STK11IP: variants seen among roughly 807,000 people sequenced by gnomAD.
The protein encoded by STK11IP is serine/threonine-protein kinase 11-interacting protein.
Under a neutral mutation model 131.7 loss-of-function variants are expected in STK11IP, and 103 were observed. The observed-to-expected ratio is 0.78, with a 90% CI of 0.67 to 0.92. The LOEUF is 0.92. Ranked by LOEUF, STK11IP falls within the 40% of genes least tolerant of loss-of-function variation. The pLI, the probability that STK11IP is intolerant of heterozygous loss-of-function variation, is 0.00. For synonymous variants in STK11IP, 557 were observed against 575.6 expected, an observed-to-expected ratio of 0.97 and a Z score of 0.46; for missense variants, 1,315 against 1,385.7, an observed-to-expected ratio of 0.95 and a Z score of 0.81.
In STK11IP at chr2:219,601,342, A is replaced by T; in HGVS notation, c.169A>T (p.Thr57Ser). Reference sequence around the variant, plus strand: ...CCTGGGGCCATGGGGCCCTGGCCAGACAGGCTTTGTGGCTCTGCCCTCCCA... The same window carrying T: ...CCTGGGGCCATGGGGCCCTGGCCAGTCAGGCTTTGTGGCTCTGCCCTCCCA... The part of the protein sequence containing the change: ...LHLGPWGPGQ[T>S]GFVALPSHPA... The change falls in exon 3 of 25, where the codon ACA (threonine) becomes TCA (serine). Residue 57 changes from threonine to serine, a missense_variant. By Grantham distance (58) the Thr-to-Ser change is moderately conservative. Coordinates refer to ENST00000456909, the MANE Select transcript of STK11IP (RefSeq NM_052902.4). The T allele has an allele frequency of 6.2e-7, 1 of 1,614,076 alleles. No homozygotes were observed. Among genetic ancestry groups the T allele is most frequent in the Middle Eastern group, 1.6e-4 (1 of 6,062 alleles).
At chr2:219,611,463 C>T (rs1698392313) in intron 17 of STK11IP, 141 bp from the exon 18 acceptor site, 2 of 688,600 alleles carry the variant, frequency 2.9e-6, no homozygotes, top group African/African-American at 1.8e-5. Context: ...GAGCTGGTGG[C>T]CTGGGGCGCG....
chr2:219,605,379 A>G (rs1369408117), intron 7 of STK11IP: 1 of 444,408 alleles, frequency 2.3e-6, no homozygotes, highest in Non-Finnish European at 4.0e-6. Context: ...GCAGGAATTT[A>G]AGGGGCTTGG....
At chr2:219,599,426 T>C (rs563807502) in intron 2 of STK11IP, among the ~76,000 whole-genome samples, 16 of 152,214 alleles carry the variant, frequency 1.1e-4, no homozygotes, top group African/African-American at 3.9e-4. Context: ...TTGATAACTT[T>C]GCAAATGTCT....
chr2:219,605,859 G>T, intron 8 of STK11IP, 97 bp from the exon 9 acceptor site: 7 of 1,484,988 alleles, frequency 4.7e-6, no homozygotes, highest in Non-Finnish European at 6.4e-6. Context: ...GGGTGCTCTG[G>T]CCGGTCTTTC....
rs773141282 is a variant in STK11IP, at chr2:219,613,833, C to T, written c.2619C>T (p.Gly873=). The stretch of plus-strand genomic sequence containing the variant: ...GTGGCATAGAGCTGGGCCTGGCAGG[C>T]CAGAGCCTGCGGCTAGAGTGGGCAG... ...DLSGIELGLA[G]QSLRLEWAAG... The change falls in exon 21 of 25, where the codon GGC becomes GGT. Residue 873 remains glycine, a synonymous_variant. Coordinates refer to ENST00000456909, the MANE Select transcript of STK11IP (RefSeq NM_052902.4). 1.2e-6 allele frequency: 2 copies of T among 1,612,240 alleles called. No homozygotes were observed. Among genetic ancestry groups the T allele is most frequent in the Non-Finnish European group, 8.5e-7 (1 of 1,179,628 alleles).
At chr2:219,606,379 G>T (rs1559180064) in intron 10 of STK11IP, 89 bp downstream of exon 10, 6 of 1,545,064 alleles carry the variant, frequency 3.9e-6, no homozygotes, top group Non-Finnish European at 8.8e-7. Flanking sequence ...TGGGTGAGGG[G>T]CCAAGGACCT....
chr2:219,615,464 C>T, intron 24 of STK11IP, 123 bp downstream of exon 24: 2 of 1,313,492 alleles, frequency 1.5e-6, no homozygotes, highest in African/African-American at 2.9e-5. Context: ...ATGGCACTTA[C>T]AGATGAGAGA....
At chr2:219,616,006 C>A (rs1461437659) in intron 24 of STK11IP, 38 bp from the exon 25 acceptor site, 1 of 1,606,046 alleles carries the variant, frequency 6.2e-7, no homozygotes, top group East Asian at 2.2e-5. Flanking sequence ...TGGTGTGGTC[C>A]CCATGAGCCT....
At position 219,616,419 on chromosome 2, in the gene STK11IP, C is replaced by G; in HGVS notation, c.*226C>G. 1.8e-6 allele frequency: 1 copy of G among 540,950 alleles called. No individual in the cohort carries two copies. The highest frequency in any genetic ancestry group is 3.2e-6 in the Non-Finnish European group (1 of 308,850). 33.5% of individuals were successfully genotyped at this position (540,950 alleles called of 1,614,324 possible). ...GAGGAATATTTTTCCTGCACTTTTT[C>G]TCAGGTATCAATAAAGTTGTTTCCA... is the stretch of plus-strand genomic sequence containing the variant. On this transcript the variant is annotated 3_prime_UTR_variant, in exon 25 of 25. Transcript: ENST00000456909.
chr2:219,607,921 A>G, intron 13 of STK11IP, 126 bp from the exon 14 acceptor site: 4 of 1,295,942 alleles, frequency 3.1e-6, no homozygotes, highest in Non-Finnish European at 4.2e-6. Context: ...GGACGCCTGT[A>G]GCCTCCCTTG....
intron 5 of STK11IP, 73 bp downstream of exon 5, chr2:219,602,156 CCT>C: frequency 1.8e-6 from 2 of 1,141,054 alleles, no homozygotes; most frequent in East Asian, 2.6e-5. Context: ...GATGTTCTCC[CCT>C]CTCTGCAGCT....
intron 2 of STK11IP, among the ~76,000 whole-genome samples, chr2:219,600,459 G>A (rs772087524): frequency 6.6e-6 from 1 of 152,150 alleles, no homozygotes; most frequent in Non-Finnish European, 1.5e-5. Context: ...AGGGAAAACT[G>A]GGTAAAGGAT....
At chr2:219,610,233 A>G (rs1698349135) in intron 17 of STK11IP, 2 of 153,536 alleles carry the variant, frequency 1.3e-5, no homozygotes, top group African/African-American at 4.8e-5. Flanking sequence ...TCCATTCCCC[A>G]CTGTGAACTG....
Position 219,611,958 on chromosome 2 carries a change from C to T in STK11IP, c.2339C>T (p.Pro780Leu), listed in dbSNP as rs761258829. The change falls in exon 19 of 25, where the codon CCT (proline) becomes CTT (leucine). Residue 780 changes from proline (P) to leucine (L), a missense_variant. Transcript: ENST00000456909. ...GATGCCCCCTCATTGCCCTCAGCCC[C>T]TGAGCGCTGTGGCCTCCGCTCTGTG... is the stretch of plus-strand genomic sequence containing the variant. ...DHGSWSLSPPPERCGLRSVDH... is the reference protein window; with the variant it reads ...DHGSWSLSPPLERCGLRSVDH... The T allele has an allele frequency of 2.5e-6, 4 of 1,593,798 alleles. No homozygotes were observed. The South Asian group carries it at 4.5e-5, about 18-fold the overall frequency.
In STK11IP at chr2:219,598,094, G is replaced by A; in HGVS notation, c.-26G>A. 4 of 1,582,848 alleles carry A rather than the reference G, an allele frequency of 2.5e-6. No homozygotes were observed. Among genetic ancestry groups the A allele is most frequent in the Non-Finnish European group, 3.4e-6 (4 of 1,165,626 alleles). ...TTCCGCTTCCTCTTTCCCCCCCCAG[G>A]CTCCGCCCCCCAGCGTCCCGTGGCC... is the stretch of plus-strand genomic sequence containing the variant. On this transcript the variant is annotated splice_region_variant and 5_prime_UTR_variant, in exon 2 of 25. Transcript: ENST00000456909.
At position 219,602,547 on chromosome 2, in the gene STK11IP, A is replaced by C. The variant is rs551792044; in HGVS notation, c.518A>C (p.Asn173Thr). ...LALLSANFSY[N>T]ALTALDSSLR... ...CTGCTTTCTGCCAACTTCAGCTACAATGCACTGACCGCCTTAGACAGCTCC... is the reference window on the plus strand; with the variant it reads ...CTGCTTTCTGCCAACTTCAGCTACACTGCACTGACCGCCTTAGACAGCTCC... Residue 173 changes from asparagine to threonine, a missense_variant, in exon 6 of 25, where the codon AAT becomes ACT. Transcript: ENST00000456909. 1 of 1,614,002 alleles carries C rather than the reference A, an allele frequency of 6.2e-7. No individual in the cohort carries two copies. Among genetic ancestry groups the C allele is most frequent in the African/African-American group, 1.3e-5 (1 of 75,058 alleles).
In STK11IP at chr2:219,615,230, G is replaced by A; in HGVS notation, c.3006G>A (p.Ser1002=). ...AAGCCTCTGAGAAGGTGCCTCCCTCGGGGCCGGGCCCTGCTGTGCGTGTCA... is the reference window on the plus strand; with the variant it reads ...AAGCCTCTGAGAAGGTGCCTCCCTCAGGGCCGGGCCCTGCTGTGCGTGTCA... ...SGEASEKVPP[S]GPGPAVRVRE... The change falls in exon 24 of 25, where the codon TCG becomes TCA. Residue 1002 remains serine (S), a synonymous_variant. Transcript: ENST00000456909. 6 of 1,595,112 alleles carry A rather than the reference G, an allele frequency of 3.8e-6. No homozygotes were observed. The highest frequency in any genetic ancestry group is 5.1e-6 in the Non-Finnish European group (6 of 1,175,538).
At chr2:219,610,496 G>A (rs942941622) in intron 17 of STK11IP, among the ~76,000 whole-genome samples, 17 of 151,966 alleles carry the variant, frequency 1.1e-4, no homozygotes, top group Admixed American at 3.3e-4. Context: ...TCTGCCTTCC[G>A]GGTTCACGCC....
chr2:219,613,163 C>G lies in STK11IP; in HGVS notation c.2475C>G (p.Phe825Leu), dbSNP rs373650041. Reference sequence around the variant, plus strand: ...CATTGGCAGGCCACACTGGGGAGTTCATGTGCCTTGTGGTTGTGTCTGACC... The same window carrying G: ...CATTGGCAGGCCACACTGGGGAGTTGATGTGCCTTGTGGTTGTGTCTGACC... ...PVALAGHTGE[F>L]MCLVVVSDRR... The change falls in exon 20 of 25, where the codon TTC (phenylalanine) becomes TTG (leucine). Residue 825 changes from phenylalanine (F) to leucine (L), a missense_variant. Transcript: ENST00000456909. 6.2e-7 allele frequency: 1 copy of G among 1,611,314 alleles called. No individual in the cohort carries two copies. The highest frequency in any genetic ancestry group is 8.5e-7 in the Non-Finnish European group (1 of 1,179,212).
Sources: allele counts gnomAD v4.1 joint callset (sites outside exome capture counted in the v4.1 genomes callset), GRCh38; gene constraint gnomAD v4.1.1; transcripts MANE v1.5; gene names NCBI Gene and HGNC (gene_info 2026-07-23, HGNC 2026-07-21).